Variants in ITPR2 observed in about 807,000 individuals in gnomAD.
ITPR2 encodes inositol 1,4,5-trisphosphate-gated calcium channel ITPR2.
ITPR2 carries 207 observed loss-of-function variants against 317.1 expected under a neutral mutation model. That is an observed-to-expected ratio of 0.65 (90% confidence interval 0.58 to 0.73). ITPR2 has a LOEUF of 0.73. Among genes scored for constraint, ITPR2 ranks in the 30% least tolerant of loss-of-function variants. ITPR2 has a pLI of 0.00. For missense variants in ITPR2, 2,613 were observed against 3,284.0 expected (o/e 0.80, Z 4.99); for synonymous variants, 1,156 against 1,149.1 (o/e 1.01, Z -0.12).
chr12:26,539,754 G>A (rs11048570), intron 37 of ITPR2, among the ~76,000 whole-genome samples: 86,007 of 152,106 alleles, frequency 0.57, 28,259 homozygotes, highest in Non-Finnish European at 0.76. Context: ...CCTCTATGCT[G>A]TGGTTCTCTG....
At position 26,722,424 on chromosome 12, in the gene ITPR2, G is replaced by C. The variant is rs563917550; in HGVS notation, c.498C>G (p.Phe166Leu). 10 of 1,611,700 alleles carry C rather than the reference G, an allele frequency of 6.2e-6. No individual in the cohort carries two copies. In the Admixed American group the frequency reaches 1.5e-4, roughly 24 times the overall value. Residue 166 changes from phenylalanine to leucine, a missense_variant, in exon 5 of 57, where the codon TTC (phenylalanine) becomes TTG (leucine). By Grantham distance (22) the Phe-to-Leu change is conservative (BLOSUM62 0). Transcript: ENST00000381340. ...NEGSWFYIHP[F>L]WKLRSEGDNI... ...TGTCACCCTCGCTTCTCAGTTTCCA[G>C]AACGGATGAATATAAAACCAAGACC...
chr12:26,682,532 T>C (rs766293860), intron 12 of ITPR2, 42 bp downstream of exon 12: 3 of 1,236,148 alleles, frequency 2.4e-6, no homozygotes, highest in Non-Finnish European at 3.6e-6. Context: ...CCTATTCTCA[T>C]GGCATTTGGC....
chr12:26,702,276 C>A (rs1948457501), intron 9 of ITPR2, among the ~76,000 whole-genome samples: 1 of 151,098 alleles, frequency 6.6e-6, no homozygotes, highest in African/African-American at 2.4e-5. Context: ...GAGAAAGGGT[C>A]TAATAATATG....
chr12:26,499,994 G>C (rs1375701582), intron 37 of ITPR2, among the ~76,000 whole-genome samples: 1 of 152,060 alleles, frequency 6.6e-6, no homozygotes, highest in African/African-American at 2.4e-5. Context: ...TTAATGAATA[G>C]GTATAAACAG....
intron 37 of ITPR2, among the ~76,000 whole-genome samples, chr12:26,521,641 A>G (rs1943668957): frequency 6.6e-6 from 1 of 152,180 alleles, no homozygotes; most frequent in Non-Finnish European, 1.5e-5. Flanking sequence ...CGATCTTCGT[A>G]AAAAGAGTGG....
intron 55 of ITPR2, among the ~76,000 whole-genome samples, chr12:26,374,454 T>A (rs1201919843): frequency 5.9e-5 from 9 of 152,234 alleles, no homozygotes; most frequent in Non-Finnish European, 1.2e-4. Context: ...GAAGTTGACC[T>A]TTGCCTAACC....
At chr12:26,544,603 C>T (rs1591880840) in intron 37 of ITPR2, among the ~76,000 whole-genome samples, 1 of 74,060 alleles carries the variant, frequency 1.4e-5, no homozygotes, top group South Asian at 4.5e-4. Flanking sequence ...CAGAGACACA[C>T]AGACACACAC....
At chr12:26,769,896 A>G (rs1949809618) in intron 2 of ITPR2, among the ~76,000 whole-genome samples, 1 of 152,186 alleles carries the variant, frequency 6.6e-6, no homozygotes, top group Non-Finnish European at 1.5e-5. Flanking sequence ...TTCTTACCAC[A>G]TCACGTTCCT....
intron 52 of ITPR2, among the ~76,000 whole-genome samples, chr12:26,403,435 G>A (rs958356326): frequency 3.3e-5 from 5 of 152,142 alleles, no homozygotes; most frequent in Non-Finnish European, 7.4e-5. Flanking sequence ...ACATGTAGAA[G>A]ACAAATTAGC....
rs549309374 is a variant in ITPR2, at chr12:26,623,248, G to A, written c.3123-843C>T. ...AAAACTTCAGAAATAAATAATTCACGAGTTCTAAATTTTGTGTCATCCTGC... is the reference window on the plus strand; with the variant it reads ...AAAACTTCAGAAATAAATAATTCACAAGTTCTAAATTTTGTGTCATCCTGC... On this transcript the variant is annotated intron_variant, in intron 24 of 56. Coordinates refer to ENST00000381340, the MANE Select transcript of ITPR2 (RefSeq NM_002223.4). The A allele has an allele frequency of 4.6e-5, 7 of 152,230 alleles. No individual in the cohort carries two copies. The East Asian group carries it at 5.8e-4, about 13-fold the overall frequency. 9.4% of individuals were successfully genotyped at this position (152,230 alleles called of 1,614,324 possible). A position where few individuals can be genotyped will look rare whatever the true frequency, so the allele number is the denominator to read the frequency against.
At chr12:26,438,536 AGT>A in intron 47 of ITPR2, among the ~76,000 whole-genome samples, 1 of 152,330 alleles carries the variant, frequency 6.6e-6, no homozygotes, top group South Asian at 2.1e-4. Flanking sequence ...TTTAAAAGTC[AGT>A]GTTTCCTAAT....
intron 48 of ITPR2, 27 bp downstream of exon 48, chr12:26,436,194 A>G (rs1592021894): frequency 5.3e-6 from 8 of 1,519,430 alleles, no homozygotes; most frequent in Non-Finnish European, 7.0e-6. Context: ...TAAAATATTT[A>G]TATTTTAAGG....
intron 2 of ITPR2, among the ~76,000 whole-genome samples, chr12:26,776,097 T>G (rs1327311615): frequency 4.0e-5 from 6 of 151,716 alleles, no homozygotes; most frequent in African/African-American, 9.7e-5. Flanking sequence ...TTAATATGAT[T>G]AGACCCAAAA....
At chr12:26,447,386 T>C (rs2136749353) in intron 45 of ITPR2, among the ~76,000 whole-genome samples, 1 of 152,202 alleles carries the variant, frequency 6.6e-6, no homozygotes, top group East Asian at 1.9e-4. Flanking sequence ...CTCATATGTA[T>C]TCTGATAGAT....
intron 1 of ITPR2, among the ~76,000 whole-genome samples, chr12:26,791,332 A>T (rs921962687): frequency 6.6e-6 from 1 of 151,970 alleles, no homozygotes; most frequent in Non-Finnish European, 1.5e-5. Flanking sequence ...CATGTATATG[A>T]ATTCATTTAA....
At chr12:26,774,888 C>A (rs1268309820) in intron 2 of ITPR2, among the ~76,000 whole-genome samples, 1 of 152,204 alleles carries the variant, frequency 6.6e-6, no homozygotes, top group East Asian at 1.9e-4. Context: ...CAAACAAAAA[C>A]CCTTAGTGGA....
chr12:26,638,391 C>T lies in ITPR2; in HGVS notation c.2741-6332G>A, dbSNP rs567871538. On this transcript the variant is annotated intron_variant, in intron 21 of 56. Transcript: ENST00000381340. ...AGTTCTCATAAAGGCATATACCATA[C>T]GAACCACATGCAAACCAGTTACTGA... 1.2e-4 allele frequency among the ~76,000 whole-genome samples: 19 copies of T among 152,296 alleles called. No individual in the cohort carries two copies. In the South Asian group the frequency reaches 3.3e-3, roughly 27 times the overall value.
chr12:26,385,884 T>C (rs1939651522), intron 55 of ITPR2, among the ~76,000 whole-genome samples: 1 of 152,102 alleles, frequency 6.6e-6, no homozygotes, highest in South Asian at 2.1e-4. Context: ...TTTGGACTTC[T>C]CTTGTAGAAC....
intron 2 of ITPR2, among the ~76,000 whole-genome samples, chr12:26,740,001 A>G (rs1238420873): frequency 6.6e-6 from 1 of 152,216 alleles, no homozygotes; most frequent in African/African-American, 2.4e-5. Context: ...CTTGTTTGCT[A>G]AATCACAGGA....
Sources: gnomAD v4.1 joint callset for allele counts (sites outside exome capture counted in the v4.1 genomes callset) on GRCh38, gnomAD v4.1.1 for gene constraint, MANE v1.5 for transcripts, NCBI Gene and HGNC (gene_info 2026-07-23, HGNC 2026-07-21) for gene names.